The following ZBTB7C variants were observed in gnomAD, a reference collection of about 807,000 sequenced individuals.
ZBTB7C encodes the protein zinc finger and BTB domain containing 7C.
In ZBTB7C, 8 loss-of-function variants were observed where a neutral mutation model predicts 25.7. That is an observed-to-expected ratio of 0.31 (90% CI 0.18 to 0.56). The LOEUF is 0.56. Among genes scored for constraint, ZBTB7C ranks in the 20% least tolerant of loss-of-function variants. The pLI, the probability that ZBTB7C is intolerant of heterozygous loss-of-function variation, is 0.91. For missense variants in ZBTB7C, 824 were observed against 855.2 expected (o/e 0.96, Z 0.46); for synonymous variants, 394 against 369.0 (o/e 1.07, Z -0.78).
At chr18:48,097,579 T>C (rs550160393) in intron 3 of ZBTB7C, among the ~76,000 whole-genome samples, 1 of 152,218 alleles carries the variant, frequency 6.6e-6, no homozygotes, top group South Asian at 2.1e-4. Context: ...GTATTTTTAG[T>C]AGACACGGGG....
chr18:48,258,500 TACA>T (rs1231813713), intron 2 of ZBTB7C, among the ~76,000 whole-genome samples: 3 of 152,252 alleles, frequency 2.0e-5, no homozygotes, highest in East Asian at 3.9e-4. Flanking sequence ...CAGTAATAAA[TACA>T]ACAATAGATG....
At chr18:48,286,391 G>C (rs907852324) in intron 2 of ZBTB7C, among the ~76,000 whole-genome samples, 2 of 152,034 alleles carry the variant, frequency 1.3e-5, no homozygotes, top group Non-Finnish European at 2.9e-5. Flanking sequence ...TTAAGAATGA[G>C]AGTAAAGGAA....
chr18:48,202,819 T>C (rs2042486904), intron 2 of ZBTB7C, among the ~76,000 whole-genome samples: 1 of 151,934 alleles, frequency 6.6e-6, no homozygotes, highest in African/African-American at 2.4e-5. Flanking sequence ...ATAAAGAGTG[T>C]CCATGTAGCC....
intron 3 of ZBTB7C, among the ~76,000 whole-genome samples, chr18:48,073,740 C>G (rs1046173139): frequency 5.9e-5 from 9 of 152,132 alleles, no homozygotes; most frequent in African/African-American, 1.9e-4. Context: ...GCTCCCCAAC[C>G]CCTCTCTTTA....
chr18:48,198,050 G>A (rs543909514), intron 2 of ZBTB7C, among the ~76,000 whole-genome samples: 20 of 152,274 alleles, frequency 1.3e-4, no homozygotes, highest in Admixed American at 1.1e-3. Flanking sequence ...ATTCATGGAT[G>A]AGCACAAGAT....
intron 3 of ZBTB7C, among the ~76,000 whole-genome samples, chr18:48,106,484 C>CA (rs1167567512): frequency 6.6e-6 from 1 of 151,870 alleles, no homozygotes; most frequent in Admixed American, 6.6e-5. Context: ...ATGGTACAAG[C>CA]AAAAAAACAA....
intron 2 of ZBTB7C, among the ~76,000 whole-genome samples, chr18:48,235,919 A>G (rs1387557835): frequency 6.6e-6 from 1 of 152,150 alleles, no homozygotes; most frequent in Non-Finnish European, 1.5e-5. Flanking sequence ...CTTTTCATTT[A>G]TCTTTATGAG....
chr18:48,213,068 G>T (rs760507807), intron 2 of ZBTB7C, among the ~76,000 whole-genome samples: 15 of 151,662 alleles, frequency 9.9e-5, no homozygotes, highest in Non-Finnish European at 1.8e-4. Flanking sequence ...TTACACCCTC[G>T]CCTGGCTCCT....
intron 2 of ZBTB7C, among the ~76,000 whole-genome samples, chr18:48,314,270 A>G (rs971491883): frequency 4.6e-5 from 7 of 152,230 alleles, no homozygotes; most frequent in Non-Finnish European, 1.0e-4. Context: ...GGGATTACTG[A>G]TAACTTCTTG....
chr18:48,266,852 G>C (rs1430508931), intron 2 of ZBTB7C, among the ~76,000 whole-genome samples: 2 of 151,682 alleles, frequency 1.3e-5, no homozygotes, highest in African/African-American at 4.9e-5. Context: ...AGGTTTACAT[G>C]TATTTATGAG....
chr18:48,032,806 T>G (rs1178300151), intron 4 of ZBTB7C, among the ~76,000 whole-genome samples: 2 of 152,024 alleles, frequency 1.3e-5, no homozygotes, highest in Admixed American at 1.3e-4. Flanking sequence ...TCTCAAACAA[T>G]GGACAATATA....
chr18:48,084,723 C>A (rs1230754576), intron 3 of ZBTB7C, among the ~76,000 whole-genome samples: 4 of 152,190 alleles, frequency 2.6e-5, no homozygotes, highest in Non-Finnish European at 5.9e-5. Flanking sequence ...CACTTCTTGC[C>A]CTCCTCAGGG....
At chr18:48,278,236 C>G (rs1466532901) in intron 2 of ZBTB7C, among the ~76,000 whole-genome samples, 1 of 152,092 alleles carries the variant, frequency 6.6e-6, no homozygotes, top group Non-Finnish European at 1.5e-5. Context: ...CAGAGAGAAG[C>G]CACAGGAGAA....
intron 1 of ZBTB7C, among the ~76,000 whole-genome samples, chr18:48,383,485 C>T (rs191461859): frequency 1.3e-5 from 2 of 152,006 alleles, no homozygotes. Flanking sequence ...AGGCTGGTCT[C>T]GAACTCCTGA....
intron 3 of ZBTB7C, among the ~76,000 whole-genome samples, chr18:48,157,143 G>A (rs1310265000): frequency 1.3e-5 from 2 of 152,198 alleles, no homozygotes; most frequent in African/African-American, 4.8e-5. Context: ...CTTCCTCTAT[G>A]TGGCTTTTGC....
chr18:48,274,354 T>G lies in ZBTB7C; in HGVS notation c.-79+63820A>C, dbSNP rs150891885. Reference sequence around the variant, plus strand: ...TTTTTGTTTTGTCTTGTTTTGTTTTTTTATGGGGACAGCATTATGACAGCA... The same window carrying G: ...TTTTTGTTTTGTCTTGTTTTGTTTTGTTATGGGGACAGCATTATGACAGCA... On this transcript the variant is annotated intron_variant, in intron 2 of 4. Transcript: ENST00000590800. Among the ~76,000 whole-genome samples the G allele has an allele frequency of 1.8e-3, 273 of 152,290 alleles. 2 individuals carry two copies. Among genetic ancestry groups the G allele is most frequent in the African/African-American group, 6.3e-3 (261 of 41,546 alleles).
At chr18:48,128,652 G>A (rs1221287261) in intron 3 of ZBTB7C, among the ~76,000 whole-genome samples, 1 of 152,162 alleles carries the variant, frequency 6.6e-6, no homozygotes, top group African/African-American at 2.4e-5. Context: ...GGAGCTAAGC[G>A]ATGGGTACGC....
Position 48,324,866 on chromosome 18 carries a change from C to T in ZBTB7C, c.-79+13308G>A, listed in dbSNP as rs540232457. ...GGGGGTGGTGAGCTGGACCACATGA[C>T]GACTCAGGAGCAGAGAGAAGTGGCA... On this transcript the variant is annotated intron_variant, in intron 2 of 4. Coordinates refer to ENST00000590800, the MANE Select transcript of ZBTB7C (RefSeq NM_001318841.2). 1.4e-4 allele frequency among the ~76,000 whole-genome samples: 21 copies of T among 152,180 alleles called. No individual in the cohort carries two copies. In the East Asian group the frequency reaches 2.5e-3, roughly 18 times the overall value.
At position 48,302,635 on chromosome 18, in the gene ZBTB7C, G is replaced by A. The variant is rs139258841; in HGVS notation, c.-79+35539C>T. On this transcript the variant is annotated intron_variant, in intron 2 of 4. Transcript: ENST00000590800. ...CCGGATCGACGTCCACGCTCTATGTGGTGCACCAGCACAGATTGGCTGGAG... is the reference window on the plus strand; with the variant it reads ...CCGGATCGACGTCCACGCTCTATGTAGTGCACCAGCACAGATTGGCTGGAG... 1.7e-3 allele frequency among the ~76,000 whole-genome samples: 252 copies of A among 152,320 alleles called. 1 individual carries two copies. Among genetic ancestry groups the A allele is most frequent in the African/African-American group, 5.6e-3 (234 of 41,570 alleles).
Sources: allele counts gnomAD v4.1 joint callset (sites outside exome capture counted in the v4.1 genomes callset), GRCh38; gene constraint gnomAD v4.1.1; transcripts MANE v1.5; gene names NCBI Gene and HGNC (gene_info 2026-07-23, HGNC 2026-07-21).